FAM169A: variants seen among roughly 807,000 people sequenced by gnomAD.
The protein encoded by FAM169A is soluble lamin-associated protein of 75 kDa.
Under a neutral mutation model 75.7 loss-of-function variants are expected in FAM169A, and 24 were observed. That is an observed-to-expected ratio of 0.32 (90% CI 0.23 to 0.45). The LOEUF is 0.45. FAM169A is among the 20% of genes least tolerant of loss of function. The probability of loss-of-function intolerance (pLI) is 1.00; values close to 1 mark genes in which losing one functional copy is unlikely to be tolerated. For synonymous variants in FAM169A, 271 were observed against 271.0 expected (o/e 1.00, Z 0.00); for missense variants, 673 against 784.0 (o/e 0.86, Z 1.69).
Position 74,801,010 on chromosome 5 carries a change from A to G in FAM169A, c.973T>C (p.Ser325Pro), listed in dbSNP as rs1746543771. The change falls in exon 10 of 13, where the codon TCC becomes CCC. Residue 325 changes from serine (S) to proline (P), a missense_variant. Transcript: ENST00000687041. ...TSEGHDKTSV[S>P]THTRSGNLKR... is the part of the protein sequence containing the mutation. ...AGATTACCACTTCGAGTATGAGTGG[A>G]AACAGATGTTTTATCATGACCTGAG... 6.4e-7 allele frequency: 1 copy of G among 1,561,132 alleles called. No homozygotes were observed.
At chr5:74,838,431 CAGAGATGTCTCTTAA>C (rs1748683324) in intron 4 of FAM169A, among the ~76,000 whole-genome samples, 1 of 152,098 alleles carries the variant, frequency 6.6e-6, no homozygotes, top group Non-Finnish European at 1.5e-5. Flanking sequence ...ACTAGAGCAC[CAGAGATGTCTCTTAA>C]ACCCTTTCAT....
chr5:74,807,399 T>C (rs1197076868), intron 6 of FAM169A, among the ~76,000 whole-genome samples: 1 of 152,226 alleles, frequency 6.6e-6, no homozygotes, highest in African/African-American at 2.4e-5. Context: ...CCTGGCTGAC[T>C]GGGAGCTGTG....
At chr5:74,788,613 G>C (rs1745814436) in intron 11 of FAM169A, among the ~76,000 whole-genome samples, 1 of 152,054 alleles carries the variant, frequency 6.6e-6, no homozygotes, top group Admixed American at 6.5e-5. Context: ...GCTGAGACAG[G>C]AGAATCGCTT....
rs1202537913 is a variant in FAM169A, at chr5:74,866,303, G to A, written c.-142C>T. ...AGCTCGCGGCTGCCAGGGCGAGTGC[G>A]GCTGCCTCCCGCTCGCCCCGGACGC... On this transcript the variant is annotated 5_prime_UTR_variant, in exon 1 of 13. Coordinates refer to ENST00000687041, the MANE Select transcript of FAM169A (RefSeq NM_001376049.1). The A allele has an allele frequency of 2.0e-6, 2 of 984,148 alleles. No homozygotes were observed. Among genetic ancestry groups the A allele is most frequent in the Non-Finnish European group, 2.4e-6 (2 of 829,474 alleles). The allele number at this position is 984,148 out of a possible 1,614,324, so 61.0% of individuals were successfully genotyped here.
upstream of FAM169A, chr5:74,866,634 G>T: frequency 4.0e-6 from 3 of 756,342 alleles, no homozygotes; most frequent in Non-Finnish European, 4.8e-6. Context: ...GCAGCGCGAC[G>T]CCCAGCTCAG....
intron 5 of FAM169A, 99 bp downstream of exon 5, chr5:74,834,327 C>A: frequency 1.6e-6 from 1 of 619,346 alleles, no homozygotes; most frequent in South Asian, 6.7e-5. Flanking sequence ...CCTCAATTTG[C>A]ATGCTAGAGA....
chr5:74,828,170 GATCT>G (rs1245703246), intron 5 of FAM169A, among the ~76,000 whole-genome samples: 4 of 152,110 alleles, frequency 2.6e-5, no homozygotes, highest in African/African-American at 4.8e-5. Context: ...ATCACACAGT[GATCT>G]ATTATAAAAA....
chr5:74,810,213 G>T (rs1489348111), intron 6 of FAM169A, among the ~76,000 whole-genome samples: 1 of 152,150 alleles, frequency 6.6e-6, no homozygotes, highest in Non-Finnish European at 1.5e-5. Flanking sequence ...AGACATAGAA[G>T]TAGAGATACC....
At chr5:74,864,014 C>T (rs1750173706) in intron 1 of FAM169A, among the ~76,000 whole-genome samples, 1 of 152,304 alleles carries the variant, frequency 6.6e-6, no homozygotes, top group African/African-American at 2.4e-5. Flanking sequence ...TTCTCGCCTC[C>T]ATAATTCTCC....
At chr5:74,859,454 T>C (rs568443110) in intron 1 of FAM169A, among the ~76,000 whole-genome samples, 23 of 151,784 alleles carry the variant, frequency 1.5e-4, no homozygotes, top group Non-Finnish European at 2.8e-4. Flanking sequence ...CAAGCCTGGC[T>C]AATTTTTGTA....
intron 1 of FAM169A, among the ~76,000 whole-genome samples, chr5:74,847,471 A>AT (rs1432358254): frequency 6.6e-6 from 1 of 152,102 alleles, no homozygotes; most frequent in East Asian, 1.9e-4. Context: ...ATCTCAACTC[A>AT]TTTTTTTAGA....
At chr5:74,823,460 T>C (rs183879488) in intron 5 of FAM169A, among the ~76,000 whole-genome samples, 16 of 152,326 alleles carry the variant, frequency 1.1e-4, no homozygotes, top group African/African-American at 3.6e-4. Flanking sequence ...AAGACTGCCA[T>C]TGTTGATACC....
At chr5:74,798,032 T>A (rs890805235) in intron 10 of FAM169A, among the ~76,000 whole-genome samples, 3 of 152,228 alleles carry the variant, frequency 2.0e-5, no homozygotes, top group African/African-American at 4.8e-5. Context: ...ACCTTTACAC[T>A]AGAAAGTCTT....
chr5:74,855,272 T>C (rs1749650341), intron 1 of FAM169A, among the ~76,000 whole-genome samples: 1 of 152,206 alleles, frequency 6.6e-6, no homozygotes, highest in Non-Finnish European at 1.5e-5. Flanking sequence ...CCCAGCTCAC[T>C]GCAGCCTCCA....
At chr5:74,826,472 T>TCAAAG (rs1748033414) in intron 5 of FAM169A, among the ~76,000 whole-genome samples, 2 of 152,200 alleles carry the variant, frequency 1.3e-5, no homozygotes, top group Non-Finnish European at 2.9e-5. Flanking sequence ...TTCTTTTTTC[T>TCAAAG]TTTGGCCTAG....
In FAM169A at chr5:74,804,622, T is replaced by G. The variant is rs1746768249; in HGVS notation, c.800-17A>C. 1 of 1,392,346 alleles carries G rather than the reference T, an allele frequency of 7.2e-7. No homozygotes were observed. The allele number at this position is 1,392,346 out of a possible 1,614,324, so 86.2% of individuals were successfully genotyped here. On this transcript the variant is annotated splice_polypyrimidine_tract_variant and intron_variant, in intron 7 of 12. Transcript: ENST00000687041. ...GAGAAAGTGCTGCGTATAGAAGAATTTTAAAAACTGTAACCGAATCAGTAT... is the reference window on the plus strand; with the variant it reads ...GAGAAAGTGCTGCGTATAGAAGAATGTTAAAAACTGTAACCGAATCAGTAT...
intron 2 of FAM169A, among the ~76,000 whole-genome samples, chr5:74,840,466 AC>A (rs929852505): frequency 2.6e-5 from 4 of 152,004 alleles, no homozygotes; most frequent in African/African-American, 9.6e-5. Context: ...CATTTAAAAA[AC>A]AACTATAATT....
intron 10 of FAM169A, among the ~76,000 whole-genome samples, chr5:74,798,600 A>G (rs1294217722): frequency 6.6e-6 from 1 of 152,230 alleles, no homozygotes; most frequent in African/African-American, 2.4e-5. Context: ...ACTTGACTAA[A>G]ATAATTTGAC....
chr5:74,784,510 C>CAAAAAAAAAAAAA lies in FAM169A; in HGVS notation c.1261-1389_1261-1377dup, dbSNP rs200414695. 2.1e-3 allele frequency among the ~76,000 whole-genome samples: 63 copies of CAAAAAAAAAAAAA among 29,864 alleles called. 1 individual carries two copies. The highest frequency in any genetic ancestry group is 2.8e-3 in the Non-Finnish European group (50 of 18,170). The allele number at this position is 29,864 out of a possible 152,430, so 19.6% of individuals were successfully genotyped here. On this transcript the variant is annotated intron_variant, in intron 11 of 12. Transcript: ENST00000687041. The stretch of plus-strand genomic sequence containing the variant: ...AGGGAGACAGAGCAAGACTCCGTCT[C>CAAAAAAAAAAAAA]AAAAAAAAAAAAAAAAAAACAAGAA...
Sources: gnomAD v4.1 joint callset for allele counts (sites outside exome capture counted in the v4.1 genomes callset) on GRCh38, gnomAD v4.1.1 for gene constraint, MANE v1.5 for transcripts, NCBI Gene and HGNC (gene_info 2026-07-23, HGNC 2026-07-21) for gene names.